PAEP: variants seen among roughly 807,000 people sequenced by gnomAD.
The protein encoded by PAEP is progestagen associated endometrial protein.
PAEP carries 28 observed loss-of-function variants against 23.0 expected under a neutral mutation model. That is an observed-to-expected ratio of 1.22 (90% CI 0.90 to 1.67). PAEP has a LOEUF of 1.67. Among genes scored for constraint, PAEP ranks in the 40% most tolerant of loss-of-function variants. The pLI, the probability that PAEP is intolerant of heterozygous loss-of-function variation, is 0.00. For synonymous variants in PAEP, 103 were observed against 92.4 expected, an observed-to-expected ratio of 1.12 and a Z score of -0.66; for missense variants, 209 against 226.4, an observed-to-expected ratio of 0.92 and a Z score of 0.49.
intron 3 of PAEP, among the ~76,000 whole-genome samples, chr9:135,563,416 GGACA>G (rs1285745104): frequency 6.7e-6 from 1 of 148,782 alleles, no homozygotes; most frequent in African/African-American, 2.5e-5. Flanking sequence ...GTGGGTAGGT[GGACA>G]GGTGGGCAGG....
chr9:135,565,840 C>A lies in PAEP; in HGVS notation c.*39C>A, dbSNP rs199576674. 62 of 1,612,734 alleles carry A rather than the reference C, an allele frequency of 3.8e-5. No individual in the cohort carries two copies. In the African/African-American group the frequency reaches 7.2e-4, roughly 19 times the overall value. ...TGGTCCTGCCTCCTGGGTAATGTAT[C>A]AGCCTCGCCCACTGTCTGCGGCTGC... is the stretch of plus-strand genomic sequence containing the variant. On this transcript the variant is annotated intron_variant, in intron 6 of 6. Coordinates refer to ENST00000479141, the MANE Select transcript of PAEP (RefSeq NM_002571.4).
At chr9:135,562,477 T>TC (rs746465135) in intron 2 of PAEP, 44 bp downstream of exon 2, 34 of 1,598,022 alleles carry the variant, frequency 2.1e-5, no homozygotes, top group Non-Finnish European at 2.8e-5. Flanking sequence ...GGGCTCAGTC[T>TC]CCCCCCTCAG....
In PAEP at chr9:135,565,414, AG is replaced by A; in HGVS notation, c.427del (p.Val143SerfsTer29). The stretch of plus-strand genomic sequence containing the variant: ...CTGACCCAGCCTCTTCCACAGCCAG[AG>A]TCCTGGTGGAGGACGATGAGATCAT... ...QSMMCQYLAR[V>X]LVEDDEIMQG... On this transcript the variant is annotated frameshift_variant, in exon 5 of 7. Transcript: ENST00000479141. LOFTEE classifies it high-confidence loss of function. 1 of 1,613,794 alleles carries A rather than the reference AG, an allele frequency of 6.2e-7. No homozygotes were observed. Among genetic ancestry groups the A allele is most frequent in the Non-Finnish European group, 8.5e-7 (1 of 1,179,682 alleles).
intron 4 of PAEP, 160 bp downstream of exon 4, chr9:135,564,514 GT>G: frequency 2.0e-6 from 2 of 981,640 alleles, no homozygotes; most frequent in Non-Finnish European, 1.2e-6. Context: ...TGTTTGCTTT[GT>G]TTTTTTGAGA....
chr9:135,562,429 A>C lies in PAEP; in HGVS notation c.232A>C (p.Arg78=). 6.2e-7 allele frequency: 1 copy of C among 1,613,336 alleles called. No individual in the cohort carries two copies. The highest frequency in any genetic ancestry group is 8.5e-7 in the Non-Finnish European group (1 of 1,179,602). ...PEDNLEIVLH[R]WENNSCVEKK... is the part of the protein sequence containing the mutation. ...GGACAACCTGGAGATCGTTCTGCAC[A>C]GATGGTGGGTTTCTCATCATTGAGA... Residue 78 remains arginine (R), a synonymous_variant, in exon 2 of 7, where the codon AGA becomes CGA. Transcript: ENST00000479141.
chr9:135,563,465 G>T (rs1261984882), intron 3 of PAEP, among the ~76,000 whole-genome samples: 1 of 137,650 alleles, frequency 7.3e-6, no homozygotes, highest in Non-Finnish European at 1.6e-5. Flanking sequence ...TGAACAGGTG[G>T]CCAGGTGAAC....
At position 135,562,347 on chromosome 9, in the gene PAEP, G is replaced by C. The variant is rs1470657653; in HGVS notation, c.150G>C (p.Met50Ile). 6.2e-7 allele frequency: 1 copy of C among 1,614,118 alleles called. No homozygotes were observed. The highest frequency in any genetic ancestry group is 8.5e-7 in the Non-Finnish European group (1 of 1,180,014). The change falls in exon 2 of 7, where the codon ATG (methionine) becomes ATC (isoleucine). Residue 50 changes from methionine to isoleucine, a missense_variant. Transcript: ENST00000479141. Reference protein sequence around the residue: ...MAMATNNISLMATLKAPLRVH... With the variant: ...MAMATNNISLIATLKAPLRVH... ...TGGCGACCAACAACATCTCCCTCAT[G>C]GCGACACTGAAGGCCCCTCTGAGGG...
chr9:135,564,835 T>C (rs1832502364), intron 4 of PAEP: 9 of 985,316 alleles, frequency 9.1e-6, no homozygotes, highest in Non-Finnish European at 1.1e-5. Context: ...GTTCATCGAG[T>C]CCTCTGACAA....
Position 135,564,979 on chromosome 9 carries a change from G to A in PAEP, c.422-431G>A, listed in dbSNP as rs1030296540. ...GATGCTGTCAACCAAACGAAGGCCAGGAATACCAAAATAGCCACATAGGCA... is the reference window on the plus strand; with the variant it reads ...GATGCTGTCAACCAAACGAAGGCCAAGAATACCAAAATAGCCACATAGGCA... On this transcript the variant is annotated intron_variant, in intron 4 of 6. Transcript: ENST00000479141. 5 of 639,134 alleles carry A rather than the reference G, an allele frequency of 7.8e-6. No individual in the cohort carries two copies. In the African/African-American group the frequency reaches 7.8e-5, roughly 10 times the overall value. The allele number at this position is 639,134 out of a possible 1,614,324, so 39.6% of individuals were successfully genotyped here. A position where few individuals can be genotyped will look rare whatever the true frequency, so the allele number is the denominator to read the frequency against.
intron 3 of PAEP, 188 bp downstream of exon 3, chr9:135,563,081 C>A: frequency 1.7e-6 from 1 of 588,940 alleles, no homozygotes; most frequent in Non-Finnish European, 3.0e-6. Flanking sequence ...ACCTGGAGGG[C>A]AGGGGAAGCA....
intron 3 of PAEP, among the ~76,000 whole-genome samples, chr9:135,563,506 A>G (rs115864254): frequency 6.6e-3 from 197 of 29,918 alleles, no homozygotes; most frequent in Middle Eastern, 0.024. Flanking sequence ...GGGTAGGTGA[A>G]CAGGTGGGCA....
At chr9:135,565,739 G>C in intron 5 of PAEP, 46 bp from the exon 6 acceptor site, 1 of 1,612,138 alleles carries the variant, frequency 6.2e-7, no homozygotes, top group Non-Finnish European at 8.5e-7. Flanking sequence ...GTCCCCAGCT[G>C]TCTCTTCTCT....
intron 4 of PAEP, chr9:135,564,817 C>G (rs1286373056): frequency 1.3e-5 from 13 of 985,280 alleles, no homozygotes; most frequent in Non-Finnish European, 1.6e-5. Flanking sequence ...CTGAGTTTTT[C>G]TCCAGCGGTT....
rs550272886 is a variant in PAEP, at chr9:135,565,309, G to A, written c.422-101G>A. The A allele has an allele frequency of 2.0e-5, 19 of 965,798 alleles. No individual in the cohort carries two copies. In the African/African-American group the frequency reaches 3.0e-4, roughly 16 times the overall value. The allele number at this position is 965,798 out of a possible 1,614,324, so 59.8% of individuals were successfully genotyped here. A position where few individuals can be genotyped will look rare whatever the true frequency, so the allele number is the denominator to read the frequency against. ...AACTCTGCCAGACCTCGGAGCACTG[G>A]GGCCTCCTTCTCTGCCCTCCCTCCT... On this transcript the variant is annotated intron_variant, in intron 4 of 6. Coordinates refer to ENST00000479141, the MANE Select transcript of PAEP (RefSeq NM_002571.4).
At chr9:135,564,768 G>A (rs1427330602) in intron 4 of PAEP, 7 of 979,876 alleles carry the variant, frequency 7.1e-6, no homozygotes, top group Middle Eastern at 5.2e-4. Context: ...CCTCCCAAAG[G>A]GCTGGGATTA....
chr9:135,565,252 C>G (rs967199369), intron 4 of PAEP, 158 bp from the exon 5 acceptor site: 1 of 641,150 alleles, frequency 1.6e-6, no homozygotes, highest in East Asian at 2.8e-5. Context: ...GACAGAGCCC[C>G]GGAGACCGCC....
Position 135,565,297 on chromosome 9 carries a change from C to T in PAEP, c.422-113C>T, listed in dbSNP as rs771987346. 7.9e-6 allele frequency: 7 copies of T among 880,840 alleles called. No individual in the cohort carries two copies. In the Admixed American group the frequency reaches 9.6e-5, roughly 12 times the overall value. 54.6% of individuals were successfully genotyped at this position (880,840 alleles called of 1,614,324 possible). A position where few individuals can be genotyped will look rare whatever the true frequency, so the allele number is the denominator to read the frequency against. ...TACTCCAGACCAAACTCTGCCAGAC[C>T]TCGGAGCACTGGGGCCTCCTTCTCT... is the stretch of plus-strand genomic sequence containing the variant. On this transcript the variant is annotated intron_variant, in intron 4 of 6. Coordinates refer to ENST00000479141, the MANE Select transcript of PAEP (RefSeq NM_002571.4).
intron 6 of PAEP, 104 bp downstream of exon 6, chr9:135,565,905 C>A: frequency 1.6e-6 from 2 of 1,261,182 alleles, no homozygotes; most frequent in Non-Finnish European, 2.3e-6. Flanking sequence ...GTGTCCAGTT[C>A]AGGGCTGACC....
chr9:135,562,823 G>A lies in PAEP; in HGVS notation c.240G>A (p.Glu80=). ...DNLEIVLHRW[E]NNSCVEKKVL... ...TCCTATTGTCACCACCTTTCAGGGAGAACAACAGCTGTGTTGAGAAGAAGG... is the reference window on the plus strand; with the variant it reads ...TCCTATTGTCACCACCTTTCAGGGAAAACAACAGCTGTGTTGAGAAGAAGG... The change falls in exon 3 of 7, where the codon GAG becomes GAA. Residue 80 remains glutamate (E), a synonymous_variant. Transcript: ENST00000479141. The A allele has an allele frequency of 1.2e-6, 2 of 1,613,228 alleles. No homozygotes were observed. The highest frequency in any genetic ancestry group is 1.3e-5 in the African/African-American group (1 of 75,042).
Sources: gnomAD v4.1 joint callset for allele counts (sites outside exome capture counted in the v4.1 genomes callset) on GRCh38, gnomAD v4.1.1 for gene constraint, MANE v1.5 for transcripts, NCBI Gene and HGNC (gene_info 2026-07-23, HGNC 2026-07-21) for gene names.